HMCN1: variants seen among roughly 807,000 people sequenced by gnomAD.
HMCN1 encodes the protein hemicentin-1.
A neutral mutation model predicts 625.9 loss-of-function variants in HMCN1; 321 were observed. The observed-to-expected ratio is 0.51, with a 90% CI of 0.47 to 0.56. HMCN1 has a LOEUF of 0.56. Ranked by LOEUF, HMCN1 falls within the 20% of genes least tolerant of loss-of-function variation. The probability of loss-of-function intolerance (pLI) is 0.00; values close to 1 mark genes in which losing one functional copy is unlikely to be tolerated. For synonymous variants in HMCN1, 2,425 were observed against 2,417.6 expected, an observed-to-expected ratio of 1.00 and a Z score of -0.09; for missense variants, 6,588 against 6,887.3, an observed-to-expected ratio of 0.96 and a Z score of 1.54.
Position 186,023,075 on chromosome 1 carries a change from G to A in HMCN1, c.5671G>A (p.Glu1891Lys). The change falls in exon 36 of 107, where the codon GAA becomes AAA. Residue 1891 changes from glutamate to lysine, a missense_variant. By Grantham distance (56) the Glu-to-Lys change is moderately conservative. Coordinates refer to ENST00000271588, the MANE Select transcript of HMCN1 (RefSeq NM_031935.3). Reference protein sequence around the residue: ...RVLQIAKTLLEDAGRYTCVAT... With the variant: ...RVLQIAKTLLKDAGRYTCVAT... ...TCTACAAATTGCCAAAACCCTGTTG[G>A]AAGATGCTGGCAGATACACATGTGT... The A allele has an allele frequency of 3.7e-6, 6 of 1,613,402 alleles. No individual in the cohort carries two copies. The highest frequency in any genetic ancestry group is 5.1e-6 in the Non-Finnish European group (6 of 1,179,506).
intron 1 of HMCN1, among the ~76,000 whole-genome samples, chr1:185,832,939 G>A (rs907798976): frequency 6.6e-6 from 1 of 152,164 alleles, no homozygotes; most frequent in Non-Finnish European, 1.5e-5. Context: ...AGTGGATGGA[G>A]ACTGTAGACA....
intron 1 of HMCN1, among the ~76,000 whole-genome samples, chr1:185,840,352 G>A (rs548522834): frequency 6.6e-6 from 1 of 152,036 alleles, no homozygotes; most frequent in East Asian, 1.9e-4. Flanking sequence ...GCATATAAAG[G>A]ACATTATAAT....
At chr1:185,751,392 C>T in intron 1 of HMCN1, among the ~76,000 whole-genome samples, 1 of 149,400 alleles carries the variant, frequency 6.7e-6, no homozygotes, top group Admixed American at 6.6e-5. Context: ...AATTTTTGTC[C>T]CTATTTAGGT....
At chr1:185,961,076 A>G (rs771143791) in intron 11 of HMCN1, among the ~76,000 whole-genome samples, 4 of 152,204 alleles carry the variant, frequency 2.6e-5, no homozygotes, top group Non-Finnish European at 4.4e-5. Flanking sequence ...TCCTTTAAAC[A>G]TTAACTTCAA....
chr1:185,927,421 GA>G (rs1447569926), intron 9 of HMCN1, among the ~76,000 whole-genome samples: 1 of 152,196 alleles, frequency 6.6e-6, no homozygotes, highest in African/African-American at 2.4e-5. Flanking sequence ...CTACAGAATT[GA>G]AAGGAAGCAA....
intron 75 of HMCN1, 133 bp downstream of exon 75, chr1:186,115,547 T>C (rs1411963334): frequency 4.8e-6 from 4 of 831,548 alleles, no homozygotes; most frequent in Middle Eastern, 3.5e-4. Flanking sequence ...GTTTTTTTCC[T>C]TAATATGGAC....
chr1:185,887,840 G>C (rs894519036), intron 4 of HMCN1, among the ~76,000 whole-genome samples: 5 of 140,466 alleles, frequency 3.6e-5, no homozygotes, highest in Non-Finnish European at 7.9e-5. Context: ...GGATGGCTGG[G>C]TCAAATGGTA....
intron 75 of HMCN1, among the ~76,000 whole-genome samples, chr1:186,116,135 T>G (rs1011159492): frequency 6.6e-6 from 1 of 152,136 alleles, no homozygotes; most frequent in Non-Finnish European, 1.5e-5. Flanking sequence ...ATCATGTCTC[T>G]TTTTCACCCT....
intron 30 of HMCN1, among the ~76,000 whole-genome samples, chr1:186,014,884 A>G (rs1654258609): frequency 6.6e-6 from 1 of 152,158 alleles, no homozygotes; most frequent in East Asian, 1.9e-4. Flanking sequence ...GGTTAAACAT[A>G]ACTATCTTAG....
At chr1:186,069,559 T>G in intron 50 of HMCN1, 104 bp from the exon 51 acceptor site, 1 of 749,582 alleles carries the variant, frequency 1.3e-6, no homozygotes, top group East Asian at 2.7e-5. Flanking sequence ...TTGTCATATG[T>G]AAAAAGAAAT....
At chr1:185,954,681 G>A (rs1382112421) in intron 11 of HMCN1, among the ~76,000 whole-genome samples, 1 of 152,122 alleles carries the variant, frequency 6.6e-6, no homozygotes, top group Admixed American at 6.6e-5. Context: ...TTGGGTTGCT[G>A]ATTTGTTAAT....
Position 185,981,005 on chromosome 1 carries a change from A to G in HMCN1, c.2594A>G (p.Tyr865Cys). Residue 865 changes from tyrosine (Y) to cysteine (C), a missense_variant, in exon 17 of 107, where the codon TAT becomes TGT. By Grantham distance (194) the Tyr-to-Cys change is radical. Transcript: ENST00000271588. ...TTATGGGCAAGTGATAAAGGAACCT[A>G]TATTTGTGAAGCTGAAAACCAGTTT... is the stretch of plus-strand genomic sequence containing the variant. ...LNLWASDKGT[Y>C]ICEAENQFGK... 1 of 1,610,726 alleles carries G rather than the reference A, an allele frequency of 6.2e-7. No individual in the cohort carries two copies. Among genetic ancestry groups the G allele is most frequent in the Non-Finnish European group, 8.5e-7 (1 of 1,176,970 alleles).
chr1:185,750,657 C>T (rs561936355), intron 1 of HMCN1, among the ~76,000 whole-genome samples: 1 of 152,134 alleles, frequency 6.6e-6, no homozygotes, highest in Admixed American at 6.5e-5. Context: ...TTGTCAAATA[C>T]TTTTTCCCTT....
At chr1:186,093,300 A>G (rs1659947526) in intron 65 of HMCN1, 42 bp downstream of exon 65, 1 of 1,612,268 alleles carries the variant, frequency 6.2e-7, no homozygotes, top group South Asian at 1.1e-5. Flanking sequence ...TGCTGCCTTA[A>G]GAATCTACCA....
At chr1:186,094,902 A>T (rs1229210027) in intron 67 of HMCN1, among the ~76,000 whole-genome samples, 2 of 152,136 alleles carry the variant, frequency 1.3e-5, no homozygotes, top group African/African-American at 4.8e-5. Flanking sequence ...TATTATTTAT[A>T]CTCTATAGAG....
At chr1:185,888,366 G>A (rs1298006995) in intron 4 of HMCN1, among the ~76,000 whole-genome samples, 23 of 144,108 alleles carry the variant, frequency 1.6e-4, no homozygotes, top group Admixed American at 1.5e-3. Context: ...TGGTGTTTTA[G>A]ACATGAAGTC....
intron 30 of HMCN1, among the ~76,000 whole-genome samples, chr1:186,009,862 C>T (rs1038380332): frequency 5.3e-5 from 8 of 152,142 alleles, no homozygotes; most frequent in African/African-American, 1.9e-4. Flanking sequence ...GGTTTGAGAG[C>T]TTCCCTAAGT....
chr1:185,914,346 A>G (rs983083374), intron 6 of HMCN1, among the ~76,000 whole-genome samples: 1 of 152,102 alleles, frequency 6.6e-6, no homozygotes, highest in Non-Finnish European at 1.5e-5. Context: ...CCCTGGTGCT[A>G]TCTCCCATGC....
chr1:185,743,396 A>T (rs562003973), intron 1 of HMCN1, among the ~76,000 whole-genome samples: 1 of 152,358 alleles, frequency 6.6e-6, no homozygotes, highest in East Asian at 1.9e-4. Context: ...TGGAAGGCTA[A>T]TTATGACCCA....
Sources: allele counts gnomAD v4.1 joint callset (sites outside exome capture counted in the v4.1 genomes callset), GRCh38; gene constraint gnomAD v4.1.1; transcripts MANE v1.5; gene names NCBI Gene and HGNC (gene_info 2026-07-23, HGNC 2026-07-21).